The following PRORP variants were observed in gnomAD, a reference collection of about 807,000 sequenced individuals.
The protein encoded by PRORP is mitochondrial ribonuclease P catalytic subunit.
A neutral mutation model predicts 59.4 loss-of-function variants in PRORP; 51 were observed. That is an observed-to-expected ratio of 0.86 (90% CI 0.69 to 1.08). The LOEUF (loss-of-function observed/expected upper bound fraction) is 1.08, where lower values mean the gene tolerates loss of function less well. Among genes scored for constraint, PRORP ranks in the 50% least tolerant of loss-of-function variants. The probability of loss-of-function intolerance (pLI) is 0.00; values close to 1 mark genes in which losing one functional copy is unlikely to be tolerated. For synonymous variants in PRORP, 231 were observed against 245.6 expected (o/e 0.94, Z 0.55); for missense variants, 646 against 690.3 (o/e 0.94, Z 0.72).
intron 6 of PRORP, among the ~76,000 whole-genome samples, chr14:35,267,903 G>A (rs935769030): frequency 6.6e-6 from 1 of 152,160 alleles, no homozygotes; most frequent in African/African-American, 2.4e-5. Flanking sequence ...TGAGATTAGA[G>A]AGAAGGCAGA....
chr14:35,173,353 TC>T (rs1375587126), intron 4 of PRORP, among the ~76,000 whole-genome samples: 10 of 152,222 alleles, frequency 6.6e-5, no homozygotes, highest in Admixed American at 5.9e-4. Flanking sequence ...CTGTTAAACT[TC>T]TTTAGACTTA....
At chr14:35,252,686 G>A (rs1366859527) in intron 5 of PRORP, among the ~76,000 whole-genome samples, 1 of 152,112 alleles carries the variant, frequency 6.6e-6, no homozygotes, top group Non-Finnish European at 1.5e-5. Context: ...CATCTGCACT[G>A]TTGCCCTCAA....
At chr14:35,232,823 C>G (rs1332973773) in intron 5 of PRORP, among the ~76,000 whole-genome samples, 1 of 152,108 alleles carries the variant, frequency 6.6e-6, no homozygotes, top group Admixed American at 6.6e-5. Context: ...CAGATGCATG[C>G]CACCACGACC....
intron 5 of PRORP, among the ~76,000 whole-genome samples, chr14:35,239,147 G>A (rs929219748): frequency 3.3e-5 from 5 of 152,040 alleles, no homozygotes; most frequent in African/African-American, 9.6e-5. Flanking sequence ...CTTGAGGTCA[G>A]GAGTTCAAAA....
intron 5 of PRORP, among the ~76,000 whole-genome samples, chr14:35,230,938 AACAC>A (rs60270535): frequency 0.067 from 9,611 of 144,462 alleles, 411 homozygotes; most frequent in African/African-American, 0.13. Flanking sequence ...AGGAAAAGAG[AACAC>A]ACACACACAC....
chr14:35,262,452 TGA>T, intron 5 of PRORP: 1 of 446,746 alleles, frequency 2.2e-6, no homozygotes, highest in South Asian at 2.1e-5. Context: ...CCATGTCTAC[TGA>T]GAGAACGAAG....
chr14:35,257,035 G>C (rs1395203733), intron 5 of PRORP, among the ~76,000 whole-genome samples: 1 of 151,768 alleles, frequency 6.6e-6, no homozygotes, highest in East Asian at 1.9e-4. Flanking sequence ...ACCATACCCA[G>C]CTAAGTTTTT....
chr14:35,266,768 A>G lies in PRORP; in HGVS notation c.1317A>G (p.Arg439=), dbSNP rs772132564. 2 of 1,614,176 alleles carry G rather than the reference A, an allele frequency of 1.2e-6. No homozygotes were observed. Among genetic ancestry groups the G allele is most frequent in the Non-Finnish European group, 1.7e-6 (2 of 1,180,016 alleles). ...CTCAACTAGCCAAACGGAATCTGCGACTGCTGGTCCTAGGCCGGAAGCACA... is the reference window on the plus strand; with the variant it reads ...CTCAACTAGCCAAACGGAATCTGCGGCTGCTGGTCCTAGGCCGGAAGCACA... The part of the protein sequence containing the change: ...VVSQLAKRNL[R]LLVLGRKHML... Residue 439 remains arginine, a synonymous_variant, in exon 6 of 8, where the codon CGA becomes CGG. Coordinates refer to ENST00000534898, the MANE Select transcript of PRORP (RefSeq NM_014672.4).
chr14:35,173,942 G>A (rs928080700), intron 4 of PRORP, among the ~76,000 whole-genome samples: 5 of 151,972 alleles, frequency 3.3e-5, no homozygotes, highest in African/African-American at 9.7e-5. Context: ...CTGGGACTCC[G>A]TTGGACTGTC....
At chr14:35,269,261 CAT>C (rs1172690090) in intron 6 of PRORP, among the ~76,000 whole-genome samples, 10 of 152,090 alleles carry the variant, frequency 6.6e-5, no homozygotes, top group Non-Finnish European at 1.2e-4. Flanking sequence ...ACATGGAAAA[CAT>C]ATATGTTAGT....
chr14:35,132,348 C>T (rs963988075), intron 4 of PRORP, among the ~76,000 whole-genome samples: 3 of 151,018 alleles, frequency 2.0e-5, no homozygotes, highest in Admixed American at 6.6e-5. Context: ...ATTCCAGTTA[C>T]GTAGGAGGCT....
At chr14:35,172,516 C>T (rs968265869) in intron 4 of PRORP, among the ~76,000 whole-genome samples, 16 of 140,700 alleles carry the variant, frequency 1.1e-4, no homozygotes, top group African/African-American at 1.9e-4. Flanking sequence ...CCCTCTCTCC[C>T]TCTCTCCCTC....
At chr14:35,243,495 C>CA (rs1272959619) in intron 5 of PRORP, among the ~76,000 whole-genome samples, 1 of 150,602 alleles carries the variant, frequency 6.6e-6, no homozygotes, top group Non-Finnish European at 1.5e-5. Context: ...GTGATCACAC[C>CA]ACTGCACTCC....
At chr14:35,182,591 G>T (rs1468012769) in intron 5 of PRORP, among the ~76,000 whole-genome samples, 1 of 152,212 alleles carries the variant, frequency 6.6e-6, no homozygotes, top group Non-Finnish European at 1.5e-5. Context: ...GTTGCAGTGA[G>T]CTGAGATCTT....
chr14:35,172,456 C>G (rs1262418478), intron 4 of PRORP, among the ~76,000 whole-genome samples: 2 of 140,748 alleles, frequency 1.4e-5, no homozygotes, highest in Non-Finnish European at 3.1e-5. Context: ...TTCCTTCCTT[C>G]TTTCTTTCTT....
intron 5 of PRORP, among the ~76,000 whole-genome samples, chr14:35,201,193 T>C (rs1194794902): frequency 6.6e-6 from 1 of 152,232 alleles, no homozygotes; most frequent in Non-Finnish European, 1.5e-5. Flanking sequence ...CTTATCACTG[T>C]TGATGTTAAC....
upstream of PRORP, chr14:35,121,988 T>C: frequency 6.2e-7 from 1 of 1,614,030 alleles, no homozygotes; most frequent in Non-Finnish European, 8.5e-7. Flanking sequence ...AGCTTCTGCA[T>C]TTGCTGTTTC....
intron 5 of PRORP, chr14:35,218,987 CTCTAA>C (rs1450767162): frequency 2.0e-5 from 3 of 152,170 alleles, no homozygotes; most frequent in Admixed American, 6.5e-5. Context: ...ACAGGCAGCC[CTCTAA>C]TCTATAAAAT....
At chr14:35,235,094 A>G (rs1335284112) in intron 5 of PRORP, 1 of 438,466 alleles carries the variant, frequency 2.3e-6, no homozygotes, top group Non-Finnish European at 4.4e-6. Flanking sequence ...CTCCAAGGGG[A>G]AATGGAAGCT....
Sources: allele counts gnomAD v4.1 joint callset (sites outside exome capture counted in the v4.1 genomes callset), GRCh38; gene constraint gnomAD v4.1.1; transcripts MANE v1.5; gene names NCBI Gene and HGNC (gene_info 2026-07-23, HGNC 2026-07-21).